XAGE5: variants seen among roughly 807,000 people sequenced by gnomAD.
XAGE5 encodes the protein X antigen family member 5.
XAGE5 carries 13 observed loss-of-function variants against 13.1 expected under a neutral mutation model. The ratio of observed to expected loss-of-function variants is 0.99; its 90% CI spans 0.64 to 1.57. The LOEUF (loss-of-function observed/expected upper bound fraction) is 1.57. XAGE5 is among the 40% of genes most tolerant of loss of function. XAGE5 has a pLI of 0.00. For missense variants in XAGE5, 86 were observed against 77.6 expected (o/e 1.11, Z -0.41); for synonymous variants, 17 against 25.0 (o/e 0.68, Z 0.96).
chrX:52,815,308 C>T (rs1325537733), intron 5 of XAGE5, 91 bp downstream of exon 5: 3 of 1,014,021 alleles, frequency 3.0e-6, no homozygotes, highest in South Asian at 2.6e-5. Flanking sequence ...ATTACTGCCC[C>T]TTTAGAAATA....
chrX:52,814,835 C>T (rs1364306909), intron 4 of XAGE5: 2 of 303,329 alleles, frequency 6.6e-6, no homozygotes, highest in African/African-American at 5.5e-5. Context: ...AAATGCTATC[C>T]GTGAGGCCGT....
Position 52,811,669 on chromosome X carries a change from G to C in XAGE5, c.-59G>C, listed in dbSNP as rs1556777329. 1.8e-5 allele frequency among the ~76,000 whole-genome samples: 2 copies of C among 110,497 alleles called. No individual in the cohort carries two copies. Among genetic ancestry groups the C allele is most frequent in the Non-Finnish European group, 3.8e-5 (2 of 52,832 alleles). ...AGAAACGCCTGGAACTCCCAACAGA[G>C]GACAAATTCCAGACTCCTCAAGGGA... On this transcript the variant is annotated 5_prime_UTR_variant, in exon 2 of 6. Transcript: ENST00000375501.
chrX:52,814,151 T>TA, intron 4 of XAGE5: 1 of 303,584 alleles, frequency 3.3e-6, no homozygotes, highest in Non-Finnish European at 6.5e-6. Context: ...TGATTTTGCT[T>TA]AAAAATGCTT....
At chrX:52,816,836 A>C in intron 5 of XAGE5, among the ~76,000 whole-genome samples, 1 of 112,154 alleles carries the variant, frequency 8.9e-6, no homozygotes, top group Non-Finnish European at 1.9e-5. Context: ...CGTTAAATGC[A>C]TATCTTATTA....
chrX:52,811,765 G>A (rs1022863771), intron 2 of XAGE5, among the ~76,000 whole-genome samples, 46 bp downstream of exon 2: 6 of 110,392 alleles, frequency 5.4e-5, no homozygotes, highest in African/African-American at 9.9e-5. Context: ...ACTGGTGACC[G>A]CCACCCCAAG....
At chrX:52,811,514 C>G (rs1442145478) in intron 1 of XAGE5, among the ~76,000 whole-genome samples, 34 bp from the exon 2 acceptor site, 2 of 111,217 alleles carry the variant, frequency 1.8e-5, no homozygotes, top group Non-Finnish European at 1.9e-5. Context: ...CCTTCTCGTG[C>G]GGCCCCGCAG....
At chrX:52,816,405 C>A (rs1263252145) in intron 5 of XAGE5, among the ~76,000 whole-genome samples, 1 of 112,276 alleles carries the variant, frequency 8.9e-6, no homozygotes, top group Non-Finnish European at 1.9e-5. Flanking sequence ...CAGTGATGCT[C>A]AAAATGGTTG....
intron 2 of XAGE5, chrX:52,812,315 C>T: frequency 1.3e-5 from 4 of 310,758 alleles, no homozygotes; most frequent in Admixed American, 5.3e-5. Flanking sequence ...CTCTTGTTGC[C>T]CAGGCTGGAG....
At chrX:52,812,715 A>G (rs1375238405) in intron 3 of XAGE5, 77 bp downstream of exon 3, 7 of 907,071 alleles carry the variant, frequency 7.7e-6, no homozygotes, top group African/African-American at 2.0e-5. Context: ...ACTAGTATAG[A>G]TACACTGATA....
chrX:52,812,455 G>T (rs1926817467), intron 2 of XAGE5, 104 bp from the exon 3 acceptor site: 3 of 638,618 alleles, frequency 4.7e-6, no homozygotes, highest in Non-Finnish European at 7.3e-6. Context: ...TGTATTTTTA[G>T]TAGAGACGGG....
chrX:52,815,228 C>A lies in XAGE5; in HGVS notation c.304+11C>A, dbSNP rs782068484. 3.3e-6 allele frequency: 4 copies of A among 1,200,449 alleles called. No individual in the cohort carries two copies. In the East Asian group the frequency reaches 1.2e-4, roughly 36 times the overall value. On this transcript the variant is annotated intron_variant, in intron 5 of 5. Transcript: ENST00000375501. ...AAATGCCAGAAGGAGGTATGTTATC[C>A]ATTAAGATTAAAAATTATGTGCTTT...
In XAGE5 at chrX:52,813,170, G is replaced by A; in HGVS notation, c.103G>A (p.Glu35Lys). The A allele has an allele frequency of 8.3e-7, 1 of 1,210,693 alleles. No individual in the cohort carries two copies. Residue 35 changes from glutamate to lysine, a missense_variant, in exon 4 of 6, where the codon GAA becomes AAA. Coordinates refer to ENST00000375501, the MANE Select transcript of XAGE5 (RefSeq NM_001386970.1). ...EPSVPEPQQE[E>K]PPTESQDHTP... Reference sequence around the variant, plus strand: ...CAGTGTGCCAGAGCCTCAACAAGAAGAACCACCAACTGAAAGTCAGGATCA... The same window carrying A: ...CAGTGTGCCAGAGCCTCAACAAGAAAAACCACCAACTGAAAGTCAGGATCA...
chrX:52,815,970 C>T (rs1305642411), intron 5 of XAGE5, among the ~76,000 whole-genome samples: 2 of 111,350 alleles, frequency 1.8e-5, no homozygotes, highest in Non-Finnish European at 3.8e-5. Flanking sequence ...TTGTTTTTTT[C>T]GGACGAGGTC....
chrX:52,818,058 G>A (rs56238660), intron 5 of XAGE5, 133 bp from the exon 6 acceptor site: 20,269 of 738,767 alleles, frequency 0.027, 329 homozygotes, highest in Admixed American at 0.1. Flanking sequence ...AATATTAGCC[G>A]TAGGGAGACT....
At position 52,813,178 on chromosome X, in the gene XAGE5, A is replaced by T; in HGVS notation, c.111A>T (p.Pro37=). 1 of 1,211,038 alleles carries T rather than the reference A, an allele frequency of 8.3e-7. No individual in the cohort carries two copies. ...CAGAGCCTCAACAAGAAGAACCACC[A>T]ACTGAAAGTCAGGATCATACACCTG... ...SVPEPQQEEP[P]TESQDHTPGQ... Residue 37 remains proline (P), a synonymous_variant, in exon 4 of 6, where the codon CCA becomes CCT. Coordinates refer to ENST00000375501, the MANE Select transcript of XAGE5 (RefSeq NM_001386970.1).
At chrX:52,814,134 A>T in intron 4 of XAGE5, 1 of 293,590 alleles carries the variant, frequency 3.4e-6, no homozygotes, top group Non-Finnish European at 6.7e-6. Flanking sequence ...ATTTTAGAAA[A>T]TGTGAATGAT....
At chrX:52,817,274 T>A (rs1926923053) in intron 5 of XAGE5, among the ~76,000 whole-genome samples, 1 of 112,200 alleles carries the variant, frequency 8.9e-6, no homozygotes, top group Admixed American at 9.5e-5. Context: ...CTTGTGAAAT[T>A]TGCTAGTCGT....
chrX:52,812,313 G>T (rs1926813444), intron 2 of XAGE5: 3 of 305,196 alleles, frequency 9.8e-6, no homozygotes. Flanking sequence ...TGCTCTTGTT[G>T]CCCAGGCTGG....
intron 4 of XAGE5, 31 bp downstream of exon 4, chrX:52,813,276 G>T (rs781923382): frequency 8.6e-7 from 1 of 1,156,977 alleles, no homozygotes; most frequent in Admixed American, 2.2e-5. Flanking sequence ...GAATGTCTAT[G>T]GGGGGAGGAG....
Sources: gnomAD v4.1 joint callset for allele counts (sites outside exome capture counted in the v4.1 genomes callset) on GRCh38, gnomAD v4.1.1 for gene constraint, MANE v1.5 for transcripts, NCBI Gene and HGNC (gene_info 2026-07-23, HGNC 2026-07-21) for gene names.